The following NEGR1 variants were observed in gnomAD, a reference collection of about 807,000 sequenced individuals.
The protein encoded by NEGR1 is neuronal growth regulator 1.
In NEGR1, 10 loss-of-function variants were observed where a neutral mutation model predicts 40.9. The ratio of observed to expected loss-of-function variants is 0.24; its 90% confidence interval spans 0.15 to 0.42. NEGR1 has a LOEUF of 0.42. Ranked by LOEUF, NEGR1 falls within the 10% of genes least tolerant of loss-of-function variation. The pLI, the probability that NEGR1 is intolerant of heterozygous loss-of-function variation, is 1.00. For missense variants in NEGR1, 352 were observed against 438.9 expected (o/e 0.80, Z 1.77); for synonymous variants, 185 against 166.8 (o/e 1.11, Z -0.84).
intron 4 of NEGR1, among the ~76,000 whole-genome samples, chr1:71,640,018 T>G (rs1285079275): frequency 6.6e-6 from 1 of 152,066 alleles, no homozygotes; most frequent in South Asian, 2.1e-4. Context: ...TTTAGCCTTA[T>G]ATGTTGCCTG....
intron 3 of NEGR1, among the ~76,000 whole-genome samples, chr1:71,768,383 T>G (rs888585501): frequency 2.0e-5 from 3 of 152,132 alleles, no homozygotes; most frequent in Non-Finnish European, 4.4e-5. Flanking sequence ...TTTGAAGTTT[T>G]GAGATTTAAT....
chr1:71,625,262 AT>A (rs1557591570), intron 4 of NEGR1, among the ~76,000 whole-genome samples: 1 of 151,320 alleles, frequency 6.6e-6, no homozygotes, highest in Non-Finnish European at 1.5e-5. Context: ...GATACCTTAT[AT>A]TTTTCTTTAT....
At chr1:71,683,567 G>GA (rs1277489945) in intron 4 of NEGR1, among the ~76,000 whole-genome samples, 1 of 151,814 alleles carries the variant, frequency 6.6e-6, no homozygotes. Flanking sequence ...ACCTCAAAAG[G>GA]AAAAATCTCC....
chr1:71,726,390 T>C (rs886944559), intron 3 of NEGR1, among the ~76,000 whole-genome samples: 21 of 152,098 alleles, frequency 1.4e-4, no homozygotes, highest in Non-Finnish European at 2.1e-4. Flanking sequence ...GATTCTTTGC[T>C]TTCGAAGTGC....
At chr1:71,675,057 G>GTATGTGATCTATA (rs1258967508) in intron 4 of NEGR1, among the ~76,000 whole-genome samples, 6 of 130,398 alleles carry the variant, frequency 4.6e-5, no homozygotes, top group Non-Finnish European at 8.2e-5. Context: ...TGATACATAC[G>GTATGTGATCTATA]TATGTGATCT....
chr1:71,557,249 G>T (rs1557565598), intron 6 of NEGR1, among the ~76,000 whole-genome samples: 1 of 151,662 alleles, frequency 6.6e-6, no homozygotes, highest in Non-Finnish European at 1.5e-5. Flanking sequence ...GGATTGTGGA[G>T]AGACAGGAAG....
chr1:72,077,671 G>A (rs1380598238), intron 1 of NEGR1, among the ~76,000 whole-genome samples: 2 of 151,144 alleles, frequency 1.3e-5, no homozygotes, highest in African/African-American at 4.9e-5. Context: ...TAAATAGGCC[G>A]GTGCAGTGGC....
At chr1:71,791,986 A>G (rs1436357091) in intron 2 of NEGR1, among the ~76,000 whole-genome samples, 2 of 152,150 alleles carry the variant, frequency 1.3e-5, no homozygotes, top group Non-Finnish European at 2.9e-5. Context: ...CAGGCAGTTT[A>G]GCTTTACAGC....
rs181755411 is a variant in NEGR1 at position 71,579,319 on chromosome 1, C to T, written c.940+13498G>A. ...TGTGATAATTGCTTGTGTTGCCAAA[C>T]CCCTTTTCAAAATTGACAATCTCCA... is the stretch of plus-strand genomic sequence containing the variant. On this transcript the variant is annotated intron_variant, in intron 6 of 6. Coordinates refer to ENST00000357731, the MANE Select transcript of NEGR1 (RefSeq NM_173808.3). 6.0e-4 allele frequency among the ~76,000 whole-genome samples: 92 copies of T among 152,194 alleles called. 1 individual carries two copies. Among genetic ancestry groups the T allele is most frequent in the African/African-American group, 2.2e-3 (90 of 41,524 alleles).
chr1:71,663,283 C>T (rs1414028061), intron 4 of NEGR1, among the ~76,000 whole-genome samples: 1 of 151,890 alleles, frequency 6.6e-6, no homozygotes, highest in Non-Finnish European at 1.5e-5. Flanking sequence ...ATAGTGGTTA[C>T]GTGTGCAACT....
intron 1 of NEGR1, among the ~76,000 whole-genome samples, chr1:72,123,983 T>G (rs1311752939): frequency 6.6e-6 from 1 of 152,068 alleles, no homozygotes; most frequent in African/African-American, 2.4e-5. Context: ...TTTAGAGTTA[T>G]GTATAAATCA....
chr1:71,957,130 C>T (rs950207282), intron 1 of NEGR1, among the ~76,000 whole-genome samples: 1 of 152,052 alleles, frequency 6.6e-6, no homozygotes, highest in Non-Finnish European at 1.5e-5. Flanking sequence ...CAAGATTAAT[C>T]TTCCAGAATT....
intron 1 of NEGR1, among the ~76,000 whole-genome samples, chr1:72,248,595 T>C (rs1228312500): frequency 6.9e-6 from 1 of 145,174 alleles, no homozygotes; most frequent in African/African-American, 2.6e-5. Context: ...TTATTATTAT[T>C]ATTATTATTA....
chr1:71,660,695 T>C (rs1652024529), intron 4 of NEGR1, among the ~76,000 whole-genome samples: 1 of 152,064 alleles, frequency 6.6e-6, no homozygotes, highest in Non-Finnish European at 1.5e-5. Flanking sequence ...CATCTTGGCT[T>C]TTTCTTCTTA....
chr1:71,928,361 T>TACACACATATGTGTATATAC (rs1259418790), intron 2 of NEGR1, among the ~76,000 whole-genome samples: 2 of 84,630 alleles, frequency 2.4e-5, no homozygotes, highest in African/African-American at 1.1e-4. Flanking sequence ...TATATATATA[T>TACACACATATGTGTATATAC]ACACATATGT....
intron 2 of NEGR1, among the ~76,000 whole-genome samples, chr1:71,909,952 C>T (rs1437124921): frequency 6.6e-6 from 1 of 152,134 alleles, no homozygotes; most frequent in African/African-American, 2.4e-5. Context: ...AAATATGCTA[C>T]AGATTCAATC....
rs1031562018 is a variant in NEGR1 at position 71,402,608 on chromosome 1, A to G, written c.*4838T>C. On this transcript the variant is annotated 3_prime_UTR_variant, in exon 7 of 7. Transcript: ENST00000357731. Reference sequence around the variant, plus strand: ...ATTACTAGAAAAACAGTGAATGTAAATGTGAAGGTGTATGATTCTTGGAAA... The same window carrying G: ...ATTACTAGAAAAACAGTGAATGTAAGTGTGAAGGTGTATGATTCTTGGAAA... 1.7e-4 allele frequency: 26 copies of G among 152,192 alleles called. No homozygotes were observed. The highest frequency in any genetic ancestry group is 6.3e-4 in the African/African-American group (26 of 41,464). 9.4% of individuals were successfully genotyped at this position (152,192 alleles called of 1,614,324 possible). A position where few individuals can be genotyped will look rare whatever the true frequency, so the allele number is the denominator to read the frequency against.
intron 1 of NEGR1, among the ~76,000 whole-genome samples, chr1:72,136,038 A>G (rs923189952): frequency 6.6e-6 from 1 of 152,212 alleles, no homozygotes; most frequent in Admixed American, 6.5e-5. Flanking sequence ...TTCTAATAAG[A>G]AAGCACAAAA....
chr1:71,958,885 G>C (rs1464617535), intron 1 of NEGR1, among the ~76,000 whole-genome samples: 1 of 151,548 alleles, frequency 6.6e-6, no homozygotes, highest in African/African-American at 2.4e-5. Flanking sequence ...AACCTGGGAG[G>C]GGGAGGTTGC....
Sources: allele counts gnomAD v4.1 joint callset (sites outside exome capture counted in the v4.1 genomes callset), GRCh38; gene constraint gnomAD v4.1.1; transcripts MANE v1.5; gene names NCBI Gene and HGNC (gene_info 2026-07-23, HGNC 2026-07-21).